ABCC1: variants seen among roughly 807,000 people sequenced by gnomAD.
ABCC1 encodes the protein multidrug resistance-associated protein 1.
In ABCC1, 83 loss-of-function variants were observed where a neutral mutation model predicts 172.9. That is an observed-to-expected ratio of 0.48 (90% CI 0.40 to 0.58). The LOEUF (loss-of-function observed/expected upper bound fraction) is 0.58. ABCC1 is among the 20% of genes least tolerant of loss of function. ABCC1 has a pLI of 0.00. For synonymous variants in ABCC1, 937 were observed against 825.2 expected (o/e 1.14, Z -2.32); for missense variants, 1,817 against 2,002.7 (o/e 0.91, Z 1.77).
At chr16:16,071,256 A>G (rs45504493) in intron 13 of ABCC1, among the ~76,000 whole-genome samples, 4,724 of 139,726 alleles carry the variant, frequency 0.034, 249 homozygotes, top group African/African-American at 0.12. Flanking sequence ...GGCTAATTTT[A>G]TGTATTTTTT....
In ABCC1 at chr16:16,016,252, C is replaced by A. The variant is rs185568698; in HGVS notation, c.490-244C>A. ...CACTGCAGCCTCCGCCTCCTGGGTT[C>A]AAGTGATTCTCCTGTCTCAGCCTCC... On this transcript the variant is annotated intron_variant, in intron 4 of 30. Transcript: ENST00000399410. Among the ~76,000 whole-genome samples the A allele has an allele frequency of 1.6e-3, 228 of 139,980 alleles. 1 individual carries two copies. Among genetic ancestry groups the A allele is most frequent in the Non-Finnish European group, 2.8e-3 (186 of 66,036 alleles). 91.8% of individuals were successfully genotyped at this position (139,980 alleles called of 152,430 possible). A position where few individuals can be genotyped will look rare whatever the true frequency, so the allele number is the denominator to read the frequency against.
chr16:16,029,551 T>C (rs1299499035), intron 5 of ABCC1, among the ~76,000 whole-genome samples: 1 of 152,212 alleles, frequency 6.6e-6, no homozygotes, highest in African/African-American at 2.4e-5. Context: ...ATGCATTGCA[T>C]AGGTGAACGT....
intron 26 of ABCC1, among the ~76,000 whole-genome samples, chr16:16,126,638 G>A (rs887488807): frequency 3.3e-5 from 5 of 152,180 alleles, no homozygotes; most frequent in Non-Finnish European, 5.9e-5. Flanking sequence ...GCCTGCCTCA[G>A]CCTCCCAAAG....
intron 21 of ABCC1, among the ~76,000 whole-genome samples, chr16:16,110,877 C>G (rs899070441): frequency 1.3e-5 from 2 of 152,124 alleles, no homozygotes; most frequent in African/African-American, 4.8e-5. Flanking sequence ...ACTGGAAGCT[C>G]CATGCATGAG....
intron 12 of ABCC1, among the ~76,000 whole-genome samples, chr16:16,066,765 A>G (rs2151945809): frequency 6.6e-6 from 1 of 151,888 alleles, no homozygotes; most frequent in East Asian, 2.0e-4. Context: ...TTAGCTGGGC[A>G]TGGTGGTGGG....
chr16:16,112,849 C>T (rs1175496621), intron 22 of ABCC1, among the ~76,000 whole-genome samples: 1 of 152,196 alleles, frequency 6.6e-6, no homozygotes, highest in Non-Finnish European at 1.5e-5. Flanking sequence ...GCTCCGAGGT[C>T]AGCGTCATTG....
At chr16:16,000,022 T>C (rs765637179) in intron 1 of ABCC1, among the ~76,000 whole-genome samples, 1 of 150,236 alleles carries the variant, frequency 6.7e-6, no homozygotes, top group East Asian at 2.0e-4. Flanking sequence ...GCCTGGCTAA[T>C]TTTTGTATTT....
chr16:16,056,789 T>A (rs918682160), intron 12 of ABCC1, among the ~76,000 whole-genome samples: 69 of 151,356 alleles, frequency 4.6e-4, no homozygotes, highest in African/African-American at 1.5e-3. Context: ...AGCCAACCTG[T>A]GTAGGAACCG....
At chr16:16,129,991 G>A (rs1408908146) in intron 26 of ABCC1, among the ~76,000 whole-genome samples, 2 of 152,236 alleles carry the variant, frequency 1.3e-5, no homozygotes, top group African/African-American at 4.8e-5. Context: ...GGACGGGGAG[G>A]TGCATTCCCC....
intron 5 of ABCC1, among the ~76,000 whole-genome samples, chr16:16,032,347 G>C (rs570880761): frequency 4.6e-5 from 7 of 152,312 alleles, no homozygotes; most frequent in Non-Finnish European, 7.4e-5. Flanking sequence ...GATTAAATAA[G>C]GTAGTTTGTG....
chr16:16,114,855 C>T lies in ABCC1; in HGVS notation c.3169C>T (p.Leu1057=), dbSNP rs1375440662. The T allele has an allele frequency of 5.0e-6, 8 of 1,614,032 alleles. No individual in the cohort carries two copies. Among genetic ancestry groups the T allele is most frequent in the Admixed American group, 1.7e-5 (1 of 59,992 alleles). The change falls in exon 23 of 31, where the codon CTG becomes TTG. Residue 1057 remains leucine, a synonymous_variant. Transcript: ENST00000399410. ...CLHVDLLHSI[L]RSPMSFFERT... ...GCACGTGGACCTGCTGCACAGCATC[C>T]TGCGGTCACCCATGAGCTTCTTTGA... is the stretch of plus-strand genomic sequence containing the variant.
intron 14 of ABCC1, among the ~76,000 whole-genome samples, chr16:16,073,121 T>C (rs1340794117): frequency 1.3e-5 from 2 of 152,080 alleles, no homozygotes; most frequent in East Asian, 3.9e-4. Flanking sequence ...GCCTCTGTCA[T>C]GCACATGCCA....
intron 12 of ABCC1, among the ~76,000 whole-genome samples, chr16:16,057,082 C>T (rs2151917426): frequency 6.6e-6 from 1 of 151,448 alleles, no homozygotes; most frequent in East Asian, 2.0e-4. Flanking sequence ...TGGCTTGTGC[C>T]TGTAATCCCA....
chr16:15,999,860 T>C (rs1348039670), intron 1 of ABCC1, among the ~76,000 whole-genome samples: 1 of 67,384 alleles, frequency 1.5e-5, no homozygotes, highest in African/African-American at 3.4e-5. Context: ...CTTTCTTTCT[T>C]TCTTTCTTTC....
chr16:16,014,578 G>C lies in ABCC1; in HGVS notation c.439G>C (p.Val147Leu), dbSNP rs755702353. The C allele has an allele frequency of 6.2e-7, 1 of 1,614,080 alleles. No homozygotes were observed. Residue 147 changes from valine to leucine, a missense_variant, in exon 4 of 31, where the codon GTG becomes CTG. Val to Leu is a conservative substitution (Grantham distance 32). Around this residue, in one of 3 missense-constraint regions of ABCC1, gnomAD observed 398 missense variants for 384.2 expected, o/e 1.04. Transcript: ENST00000399410. ...GCTCACTTTCTGGCTGGTAGCCCTA[G>C]TGTGTGCCCTAGCCATCCTGAGATC... ...IMLTFWLVAL[V>L]CALAILRSKI...
At chr16:16,085,019 C>T (rs765014592) in intron 17 of ABCC1, among the ~76,000 whole-genome samples, 4 of 152,094 alleles carry the variant, frequency 2.6e-5, no homozygotes, top group Non-Finnish European at 5.9e-5. Flanking sequence ...GTTGTTATAC[C>T]TAGGTAATCA....
chr16:15,979,363 C>T (rs945449201), intron 1 of ABCC1, among the ~76,000 whole-genome samples: 3 of 151,980 alleles, frequency 2.0e-5, no homozygotes, highest in South Asian at 2.1e-4. Flanking sequence ...AGATGAGATA[C>T]GCTCTTCCTG....
At chr16:15,986,779 C>T (rs76331102) in intron 1 of ABCC1, among the ~76,000 whole-genome samples, 2,824 of 152,304 alleles carry the variant, frequency 0.019, 85 homozygotes, top group African/African-American at 0.064. Context: ...TCTTTACGGG[C>T]TATTCTGTGT....
Position 15,972,787 on chromosome 16 carries a change from C to CTTTTTT in ABCC1, c.48+23008_48+23013dup, listed in dbSNP as rs35086205. On this transcript the variant is annotated intron_variant, in intron 1 of 30. Coordinates refer to ENST00000399410, the MANE Select transcript of ABCC1 (RefSeq NM_004996.4). Reference sequence around the variant, plus strand: ...TGTCCAACATGTACTTATTTTTTAACTTTTTTTTTTTTTTTTTTTTTTTTT... The same window carrying CTTTTTT: ...TGTCCAACATGTACTTATTTTTTAACTTTTTTTTTTTTTTTTTTTTTTTTTTTTTTT... Among the ~76,000 whole-genome samples the CTTTTTT allele has an allele frequency of 2.2e-4, 20 of 89,324 alleles. 1 individual carries two copies. Among genetic ancestry groups the CTTTTTT allele is most frequent in the Admixed American group, 3.2e-4 (2 of 6,284 alleles). 58.6% of individuals were successfully genotyped at this position (89,324 alleles called of 152,430 possible). A position where few individuals can be genotyped will look rare whatever the true frequency, so the allele number is the denominator to read the frequency against.
Sources: gnomAD v4.1 joint callset for allele counts (sites outside exome capture counted in the v4.1 genomes callset) on GRCh38, gnomAD v4.1.1 for gene constraint, gnomAD v4.1.1 regional missense constraint, MANE v1.5 for transcripts, NCBI Gene and HGNC (gene_info 2026-07-23, HGNC 2026-07-21) for gene names.